The following OSBP2 variants were observed in gnomAD, a reference collection of about 807,000 sequenced individuals.
OSBP2 encodes the protein oxysterol binding protein 2.
In OSBP2, 66 loss-of-function variants were observed where a neutral mutation model predicts 96.0. That is an observed-to-expected ratio of 0.69 (90% CI 0.56 to 0.84). OSBP2 has a LOEUF of 0.84. OSBP2 is among the 40% of genes least tolerant of loss of function. The pLI is 0.00. For synonymous variants in OSBP2, 525 were observed against 520.9 expected, an observed-to-expected ratio of 1.01 and a Z score of -0.11; for missense variants, 1,038 against 1,222.7, an observed-to-expected ratio of 0.85 and a Z score of 2.25.
At chr22:30,710,600 C>CT (rs538715953) in intron 1 of OSBP2, among the ~76,000 whole-genome samples, 12,984 of 143,528 alleles carry the variant, frequency 0.09, 717 homozygotes, top group Non-Finnish European at 0.13. Context: ...TTATACTTGT[C>CT]TTTTTTTTTT....
chr22:30,834,056 AT>A lies in OSBP2; in HGVS notation c.854-36362del, dbSNP rs577533623. ...CATCCCTCTCTTTAACCATCAGTCC[AT>A]TTTTTTTTTTGACATAGGGTCTTGC... is the stretch of plus-strand genomic sequence containing the variant. On this transcript the variant is annotated intron_variant, in intron 2 of 13. Coordinates refer to ENST00000332585, the MANE Select transcript of OSBP2 (RefSeq NM_030758.4). Among the ~76,000 whole-genome samples, 1,131 of 146,404 alleles carry A rather than the reference AT, an allele frequency of 7.7e-3. 13 individuals are homozygous for A. The highest frequency in any genetic ancestry group is 0.025 in the African/African-American group (997 of 40,424).
chr22:30,705,381 C>T (rs2089236336), intron 1 of OSBP2, among the ~76,000 whole-genome samples: 1 of 152,084 alleles, frequency 6.6e-6, no homozygotes, highest in Admixed American at 6.6e-5. Flanking sequence ...GCAACCTCCG[C>T]CTCCCGGGTT....
chr22:30,807,110 C>T lies in OSBP2; in HGVS notation c.854-63319C>T, dbSNP rs115294080. ...GAGCTTACCCGTGAGGTTGCTCTTT[C>T]CACTGAATGGCATTTCATGATGCTG... On this transcript the variant is annotated intron_variant, in intron 2 of 13. Transcript: ENST00000332585. 2.6e-3 allele frequency among the ~76,000 whole-genome samples: 389 copies of T among 152,320 alleles called. 4 individuals carry two copies. Among genetic ancestry groups the T allele is most frequent in the African/African-American group, 8.8e-3 (365 of 41,560 alleles).
chr22:30,767,494 A>G (rs1173830447), intron 2 of OSBP2, among the ~76,000 whole-genome samples: 1 of 151,398 alleles, frequency 6.6e-6, no homozygotes, highest in Non-Finnish European at 1.5e-5. Flanking sequence ...CAGAGGTCAT[A>G]GCATCCCATT....
chr22:30,885,957 G>T (rs564518570), intron 3 of OSBP2, among the ~76,000 whole-genome samples: 16 of 152,226 alleles, frequency 1.1e-4, no homozygotes, highest in Non-Finnish European at 1.8e-4. Flanking sequence ...GAGGCCAAAG[G>T]GGGCAGTAAG....
chr22:30,877,363 G>C (rs138331823), intron 3 of OSBP2, among the ~76,000 whole-genome samples: 1 of 152,242 alleles, frequency 6.6e-6, no homozygotes, highest in East Asian at 1.9e-4. Context: ...AAATGACTTT[G>C]GTTTTTAGAA....
chr22:30,765,240 TG>T (rs910966284), intron 2 of OSBP2, among the ~76,000 whole-genome samples: 8 of 152,096 alleles, frequency 5.3e-5, no homozygotes, highest in African/African-American at 1.9e-4. Flanking sequence ...AATGGAGTCT[TG>T]CTCTGTTGCC....
chr22:30,873,890 C>T (rs2039517120), intron 3 of OSBP2, among the ~76,000 whole-genome samples: 1 of 152,206 alleles, frequency 6.6e-6, no homozygotes, highest in Admixed American at 6.5e-5. Context: ...GCTGCTCCAT[C>T]TTCACTTTTC....
intron 3 of OSBP2, among the ~76,000 whole-genome samples, chr22:30,877,272 C>A (rs78567687): frequency 0.04 from 6,134 of 152,216 alleles, 215 homozygotes; most frequent in Admixed American, 0.088. Flanking sequence ...TAAAAGCTAG[C>A]CTAGCAGATC....
intron 2 of OSBP2, among the ~76,000 whole-genome samples, chr22:30,779,123 C>T (rs1409716694): frequency 1.3e-5 from 2 of 151,532 alleles, no homozygotes; most frequent in East Asian, 3.9e-4. Context: ...GCTTTTTTGC[C>T]CAGGCTGGAG....
intron 1 of OSBP2, among the ~76,000 whole-genome samples, chr22:30,712,091 G>A (rs920397436): frequency 1.3e-5 from 2 of 152,134 alleles, no homozygotes; most frequent in Admixed American, 1.3e-4. Context: ...TGGGTCCATG[G>A]GGGAGCAACT....
At chr22:30,759,757 A>C (rs537344835) in intron 2 of OSBP2, among the ~76,000 whole-genome samples, 1 of 152,274 alleles carries the variant, frequency 6.6e-6, no homozygotes, top group Non-Finnish European at 1.5e-5. Flanking sequence ...ATGATTTCAC[A>C]GGTAAATTTT....
intron 2 of OSBP2, among the ~76,000 whole-genome samples, chr22:30,803,453 A>T (rs2090882108): frequency 6.6e-6 from 1 of 152,192 alleles, no homozygotes; most frequent in African/African-American, 2.4e-5. Flanking sequence ...TGCAGCCCAC[A>T]ACAAGGTACC....
intron 12 of OSBP2, among the ~76,000 whole-genome samples, chr22:30,895,497 T>C (rs2040043382): frequency 6.6e-6 from 1 of 152,166 alleles, no homozygotes; most frequent in Non-Finnish European, 1.5e-5. Context: ...AGACATCAGA[T>C]TTTTCAATAA....
At chr22:30,777,974 AG>A (rs1569119328) in intron 2 of OSBP2, among the ~76,000 whole-genome samples, 2 of 152,000 alleles carry the variant, frequency 1.3e-5, no homozygotes. Context: ...AAAATGTTAT[AG>A]TGACATTAAA....
intron 2 of OSBP2, among the ~76,000 whole-genome samples, chr22:30,782,888 A>G (rs1306656970): frequency 6.6e-6 from 1 of 152,178 alleles, no homozygotes. Context: ...AAGCAGTGTG[A>G]CAATGTCCCA....
At chr22:30,712,397 G>A in intron 1 of OSBP2, among the ~76,000 whole-genome samples, 1 of 152,198 alleles carries the variant, frequency 6.6e-6, no homozygotes, top group East Asian at 1.9e-4. Flanking sequence ...GAGAGTGCCA[G>A]ATGTGTATTT....
At chr22:30,699,288 A>T (rs999370640) in intron 1 of OSBP2, among the ~76,000 whole-genome samples, 1 of 152,180 alleles carries the variant, frequency 6.6e-6, no homozygotes, top group Non-Finnish European at 1.5e-5. Flanking sequence ...TTTCTAATAT[A>T]TAGAGTATGT....
intron 12 of OSBP2, among the ~76,000 whole-genome samples, chr22:30,898,346 C>T (rs760316743): frequency 1.1e-4 from 17 of 150,344 alleles, no homozygotes; most frequent in Non-Finnish European, 2.2e-4. Flanking sequence ...GAGCAAGACC[C>T]TGTCTCAAAA....
Sources: allele counts gnomAD v4.1 joint callset (sites outside exome capture counted in the v4.1 genomes callset), GRCh38; gene constraint gnomAD v4.1.1; transcripts MANE v1.5; gene names NCBI Gene and HGNC (gene_info 2026-07-23, HGNC 2026-07-21).